Variants in ADD1 observed in about 807,000 individuals in gnomAD.
ADD1 encodes the protein alpha-adducin.
In ADD1, 24 loss-of-function variants were observed where a neutral mutation model predicts 80.5. That is an observed-to-expected ratio of 0.30 (90% CI 0.22 to 0.42). The LOEUF (loss-of-function observed/expected upper bound fraction) is 0.42, where lower values mean the gene tolerates loss of function less well. Among genes scored for constraint, ADD1 ranks in the 10% least tolerant of loss-of-function variants. The probability of loss-of-function intolerance (pLI) is 1.00; values close to 1 mark genes in which losing one functional copy is unlikely to be tolerated. For synonymous variants in ADD1, 373 were observed against 393.8 expected (o/e 0.95, Z 0.63); for missense variants, 948 against 1,019.0 (o/e 0.93, Z 0.95).
At chr4:2,880,463 CTTTTTTTTTTTTTTTT>C (rs1167878841) in intron 2 of ADD1, among the ~76,000 whole-genome samples, 50 of 63,170 alleles carry the variant, frequency 7.9e-4, no homozygotes, top group African/African-American at 2.5e-3. Context: ...TTCTTTCTTT[CTTTTTTTTTTTTTTTT>C]TTTTTTTTTT....
intron 8 of ADD1, chr4:2,898,744 T>C (rs769752678): frequency 3.4e-5 from 19 of 565,960 alleles, no homozygotes; most frequent in Non-Finnish European, 5.0e-5. Flanking sequence ...TTCTAATTTT[T>C]AAATTTTCAA....
chr4:2,885,890 G>C lies in ADD1; in HGVS notation c.510+1224G>C, dbSNP rs376751477. Among the ~76,000 whole-genome samples, 12 of 152,160 alleles carry C rather than the reference G, an allele frequency of 7.9e-5. No homozygotes were observed. The South Asian group carries it at 1.7e-3, about 21-fold the overall frequency. The stretch of plus-strand genomic sequence containing the variant: ...CTCCCAAAGTGCTGGGATTACAGGC[G>C]TGAGCCACCCTGCCCGGCCCCTTCC... On this transcript the variant is annotated intron_variant, in intron 4 of 15. Coordinates refer to ENST00000683351, the MANE Select transcript of ADD1 (RefSeq NM_001354761.2).
chr4:2,855,607 C>G (rs879772557), intron 1 of ADD1, among the ~76,000 whole-genome samples: 1 of 151,322 alleles, frequency 6.6e-6, no homozygotes, highest in African/African-American at 2.4e-5. Flanking sequence ...AAGTTACATG[C>G]TGCTGTTGTT....
chr4:2,879,969 C>T (rs1009232448), intron 2 of ADD1, among the ~76,000 whole-genome samples: 2 of 152,200 alleles, frequency 1.3e-5, no homozygotes, highest in African/African-American at 4.8e-5. Flanking sequence ...CCTCCCTTGG[C>T]CTCCCAAAGT....
At chr4:2,851,586 CT>C (rs1262504804) in intron 1 of ADD1, among the ~76,000 whole-genome samples, 1 of 152,154 alleles carries the variant, frequency 6.6e-6, no homozygotes, top group Non-Finnish European at 1.5e-5. Flanking sequence ...TTAGTAGGAA[CT>C]TTGTGGTTAA....
chr4:2,905,069 G>A lies in ADD1; in HGVS notation c.1467G>A (p.Ser489=), dbSNP rs1009207059. Residue 489 remains serine, a synonymous_variant, in exon 10 of 16, where the codon TCG becomes TCA. Coordinates refer to ENST00000683351, the MANE Select transcript of ADD1 (RefSeq NM_001354761.2). ...TGAAACCCTTGCTGCAGTCTCTCTC[G>A]TCCGGTGTCTGCGTGCCAAGCTGTA... ...DHVKPLLQSL[S]SGVCVPSCIT... The A allele has an allele frequency of 8.1e-6, 13 of 1,614,062 alleles. No individual in the cohort carries two copies. The highest frequency in any genetic ancestry group is 8.5e-6 in the Non-Finnish European group (10 of 1,180,040).
intron 5 of ADD1, among the ~76,000 whole-genome samples, 192 bp from the exon 6 acceptor site, chr4:2,894,390 C>T (rs1157690306): frequency 6.6e-6 from 1 of 151,212 alleles, no homozygotes; most frequent in Non-Finnish European, 1.5e-5. Context: ...TACCCCAACT[C>T]TACAAAAAAA....
chr4:2,917,865 C>T (rs1326622812), intron 14 of ADD1, among the ~76,000 whole-genome samples: 1 of 152,174 alleles, frequency 6.6e-6, no homozygotes, highest in Non-Finnish European at 1.5e-5. Flanking sequence ...GGCCTCTGTT[C>T]TGTTCCGTTG....
intron 1 of ADD1, chr4:2,844,776 A>G (rs1725920865): frequency 6.6e-6 from 1 of 152,270 alleles, no homozygotes; most frequent in Non-Finnish European, 1.5e-5. Flanking sequence ...AGAAAGACAA[A>G]AAGCAATTGT....
At chr4:2,899,602 A>G (rs549013409) in intron 9 of ADD1, 167 bp downstream of exon 9, 10 of 759,858 alleles carry the variant, frequency 1.3e-5, no homozygotes, top group Admixed American at 6.4e-5. Context: ...GTAAATTACA[A>G]TAAAATGTAG....
chr4:2,876,184 G>A, intron 2 of ADD1, 74 bp downstream of exon 2: 1 of 1,407,662 alleles, frequency 7.1e-7, no homozygotes, highest in Non-Finnish European at 9.7e-7. Flanking sequence ...ATGCCCTGTT[G>A]TATGAGTGGC....
intron 1 of ADD1, among the ~76,000 whole-genome samples, chr4:2,850,468 C>T (rs140145373): frequency 0.017 from 2,627 of 152,120 alleles, 53 homozygotes; most frequent in African/African-American, 0.045. Flanking sequence ...CTCTGTCGCC[C>T]AGGCTGGAGT....
At chr4:2,867,002 C>T (rs770014140) in intron 1 of ADD1, among the ~76,000 whole-genome samples, 4 of 152,040 alleles carry the variant, frequency 2.6e-5, no homozygotes, top group Non-Finnish European at 5.9e-5. Flanking sequence ...AGCCCGGGGG[C>T]AGAGGTTGCA....
At chr4:2,880,957 A>G (rs184219261) in intron 2 of ADD1, among the ~76,000 whole-genome samples, 2 of 152,240 alleles carry the variant, frequency 1.3e-5, no homozygotes, top group South Asian at 2.1e-4. Flanking sequence ...TTCCACATTT[A>G]AAAGTAATTT....
chr4:2,914,552 T>C (rs1340922788), intron 13 of ADD1, among the ~76,000 whole-genome samples: 1 of 152,212 alleles, frequency 6.6e-6, no homozygotes, highest in East Asian at 1.9e-4. Context: ...AAGGGCCTCT[T>C]CCCCTTCTGC....
chr4:2,897,694 ATAT>A (rs912151820), intron 6 of ADD1, among the ~76,000 whole-genome samples: 5 of 151,708 alleles, frequency 3.3e-5, no homozygotes, highest in Admixed American at 2.0e-4. Flanking sequence ...TAATTTAAAA[ATAT>A]TATTTGTAGA....
intron 1 of ADD1, among the ~76,000 whole-genome samples, chr4:2,845,599 AG>A (rs1340194657): frequency 6.6e-6 from 1 of 152,166 alleles, no homozygotes; most frequent in Non-Finnish European, 1.5e-5. Context: ...TCTAAACTCT[AG>A]CCAGTCCCCG....
At chr4:2,857,727 G>A (rs1238055538) in intron 1 of ADD1, among the ~76,000 whole-genome samples, 1 of 152,166 alleles carries the variant, frequency 6.6e-6, no homozygotes, top group Non-Finnish European at 1.5e-5. Context: ...TGTGAGGTTG[G>A]TTCCAAAGTG....
At position 2,915,060 on chromosome 4, in the gene ADD1, G is replaced by C. The variant is rs779123786; in HGVS notation, c.1948+20G>C. On this transcript the variant is annotated intron_variant, in intron 14 of 15. Coordinates refer to ENST00000683351, the MANE Select transcript of ADD1 (RefSeq NM_001354761.2). ...CTGAAGGTGAGTGCTTGTGGTCCTG[G>C]GCACGGCCACTCCAGAAGGTGAAAG... is the stretch of plus-strand genomic sequence containing the variant. 5.0e-6 allele frequency: 8 copies of C among 1,596,372 alleles called. No homozygotes were observed. The highest frequency in any genetic ancestry group is 1.3e-5 in the African/African-American group (1 of 74,446).
Sources: allele counts gnomAD v4.1 joint callset (sites outside exome capture counted in the v4.1 genomes callset), GRCh38; gene constraint gnomAD v4.1.1; transcripts MANE v1.5; gene names NCBI Gene and HGNC (gene_info 2026-07-23, HGNC 2026-07-21).